XIRP2: variants seen among roughly 807,000 people sequenced by gnomAD.
XIRP2 encodes xin actin binding repeat containing 2.
XIRP2 carries 236 observed loss-of-function variants against 277.0 expected under a neutral mutation model. That is an observed-to-expected ratio of 0.85 (90% CI 0.77 to 0.95). The LOEUF (loss-of-function observed/expected upper bound fraction) is 0.95, where lower values mean the gene tolerates loss of function less well. Ranked by LOEUF, XIRP2 falls within the 40% of genes least tolerant of loss-of-function variation. The pLI is 0.00. For missense variants in XIRP2, 4,640 were observed against 4,157.5 expected (o/e 1.12, Z -3.19); for synonymous variants, 1,490 against 1,416.5 (o/e 1.05, Z -1.17).
In XIRP2 at chr2:167,093,397, C is replaced by T. The variant is rs534600350; in HGVS notation, c.409-42512C>T. On this transcript the variant is annotated intron_variant, in intron 2 of 10. Coordinates refer to ENST00000409195, the MANE Select transcript of XIRP2 (RefSeq NM_152381.6). ...GTTTATTACATAGGTATGTATGTGC[C>T]CTGGTGGTTTGCTGCACCCATCAAC... is the stretch of plus-strand genomic sequence containing the variant. 2.0e-5 allele frequency among the ~76,000 whole-genome samples: 3 copies of T among 151,744 alleles called. No homozygotes were observed. The East Asian group carries it at 5.8e-4, about 29-fold the overall frequency.
intron 2 of XIRP2, among the ~76,000 whole-genome samples, chr2:166,977,167 T>G (rs1686737316): frequency 6.6e-6 from 1 of 152,220 alleles, no homozygotes; most frequent in Non-Finnish European, 1.5e-5. Context: ...TTTTAAAAAG[T>G]TTGGCCATGA....
chr2:167,111,903 C>G (rs1690767490), intron 2 of XIRP2, among the ~76,000 whole-genome samples: 1 of 152,102 alleles, frequency 6.6e-6, no homozygotes, highest in South Asian at 2.1e-4. Context: ...TGTATATGTC[C>G]AGGAATTCAT....
rs1313327374 is a variant in XIRP2, at chr2:167,004,063, A to C, written c.408+100173A>C. 2.0e-5 allele frequency among the ~76,000 whole-genome samples: 3 copies of C among 151,886 alleles called. No individual in the cohort carries two copies. The East Asian group carries it at 5.8e-4, about 29-fold the overall frequency. On this transcript the variant is annotated intron_variant, in intron 2 of 10. Transcript: ENST00000409195. ...TAAAGTTGTTAAATTCCTCAATTTC[A>C]AAGATTATATAAGAAAGAGAAAGAA... is the stretch of plus-strand genomic sequence containing the variant.
chr2:166,947,468 G>A (rs1160873240), intron 2 of XIRP2, among the ~76,000 whole-genome samples: 1 of 152,098 alleles, frequency 6.6e-6, no homozygotes, highest in Non-Finnish European at 1.5e-5. Flanking sequence ...AAGCCTGAAA[G>A]CAGAATCTTA....
At chr2:167,030,178 GA>G (rs1269511192) in intron 2 of XIRP2, among the ~76,000 whole-genome samples, 1 of 151,966 alleles carries the variant, frequency 6.6e-6, no homozygotes, top group Non-Finnish European at 1.5e-5. Flanking sequence ...TGGATTCATT[GA>G]TTTTTTTGAA....
At chr2:166,910,392 A>G (rs1439978513) in intron 2 of XIRP2, among the ~76,000 whole-genome samples, 1 of 152,060 alleles carries the variant, frequency 6.6e-6, no homozygotes, top group African/African-American at 2.4e-5. Context: ...TTTCTAGTTT[A>G]TTTGCATAGA....
chr2:166,930,149 G>A (rs113609454), intron 2 of XIRP2, among the ~76,000 whole-genome samples: 3 of 152,254 alleles, frequency 2.0e-5, no homozygotes, highest in Non-Finnish European at 2.9e-5. Context: ...GGCAATATGA[G>A]TGAGATCTAG....
rs941086135 is a variant in XIRP2, at chr2:166,945,287, G to GT, written c.408+41405dup. On this transcript the variant is annotated intron_variant, in intron 2 of 10. Transcript: ENST00000409195. Reference sequence around the variant, plus strand: ...ACATGCAATGGATAGGTTTTGCTCTGTTTTTTTTATAGTGAATGTTAAAGC... The same window carrying GT: ...ACATGCAATGGATAGGTTTTGCTCTGTTTTTTTTTATAGTGAATGTTAAAGC... 2.4e-3 allele frequency among the ~76,000 whole-genome samples: 368 copies of GT among 151,898 alleles called. 3 individuals carry two copies. Among genetic ancestry groups the GT allele is most frequent in the African/African-American group, 2.3e-3 (97 of 41,442 alleles).
At chr2:167,014,920 C>T (rs1333887749) in intron 2 of XIRP2, among the ~76,000 whole-genome samples, 1 of 151,778 alleles carries the variant, frequency 6.6e-6, no homozygotes, top group Admixed American at 6.6e-5. Flanking sequence ...TTTAACACTA[C>T]GGTAATACAT....
chr2:167,219,109 T>C (rs968883384), intron 5 of XIRP2, among the ~76,000 whole-genome samples: 1 of 152,048 alleles, frequency 6.6e-6, no homozygotes, highest in South Asian at 2.1e-4. Flanking sequence ...ATGAAGCAAT[T>C]GCGTGCTATG....
Position 167,243,703 on chromosome 2 carries a change from C to G in XIRP2, c.2311C>G (p.Arg771Gly), listed in dbSNP as rs548985321. ...TGAAAAGGGAGATGTAAGAACAGCA[C>G]GGTGGATGTTTGAAACACAGCCGTT... Reference protein sequence around the residue: ...DVEKGDVRTARWMFETQPLDT... With the variant: ...DVEKGDVRTAGWMFETQPLDT... The change falls in exon 9 of 11, where the codon CGG becomes GGG. Residue 771 changes from arginine (R) to glycine (G), a missense_variant. Arg to Gly is a moderately radical substitution (Grantham distance 125, BLOSUM62 -2). Coordinates refer to ENST00000409195, the MANE Select transcript of XIRP2 (RefSeq NM_152381.6). 4 of 1,613,918 alleles carry G rather than the reference C, an allele frequency of 2.5e-6. No individual in the cohort carries two copies. The highest frequency in any genetic ancestry group is 3.4e-6 in the Non-Finnish European group (4 of 1,179,934).
chr2:167,030,476 G>C (rs910756585), intron 2 of XIRP2, among the ~76,000 whole-genome samples: 2 of 152,084 alleles, frequency 1.3e-5, no homozygotes, highest in Non-Finnish European at 2.9e-5. Flanking sequence ...TATGTACCCA[G>C]TAGTCATTCA....
intron 2 of XIRP2, among the ~76,000 whole-genome samples, chr2:167,012,868 A>C (rs377360850): frequency 6.6e-6 from 1 of 151,522 alleles, no homozygotes; most frequent in African/African-American, 2.4e-5. Flanking sequence ...CATAGACTCC[A>C]AAATAGCTAG....
At chr2:167,164,535 G>C (rs1692468017) in intron 3 of XIRP2, among the ~76,000 whole-genome samples, 1 of 145,496 alleles carries the variant, frequency 6.9e-6, no homozygotes, top group Admixed American at 6.8e-5. Flanking sequence ...GTAATATTAT[G>C]ATCAATTTGA....
chr2:167,224,287 G>A (rs567384460), intron 5 of XIRP2, among the ~76,000 whole-genome samples: 1 of 152,204 alleles, frequency 6.6e-6, no homozygotes, highest in Admixed American at 6.5e-5. Flanking sequence ...AGGTGGTAGT[G>A]CAGTGGTGTG....
chr2:166,933,484 A>T (rs2105371050), intron 2 of XIRP2, among the ~76,000 whole-genome samples: 1 of 152,154 alleles, frequency 6.6e-6, no homozygotes, highest in South Asian at 2.1e-4. Flanking sequence ...TTTACATCTC[A>T]AAATATTAAA....
intron 3 of XIRP2, among the ~76,000 whole-genome samples, chr2:167,189,013 T>C (rs766656440): frequency 2.0e-5 from 3 of 152,212 alleles, no homozygotes; most frequent in African/African-American, 4.8e-5. Flanking sequence ...AGCTTTAATT[T>C]GAGGTTAAAA....
chr2:167,164,339 G>A (rs1373666383), intron 3 of XIRP2, among the ~76,000 whole-genome samples: 2 of 151,552 alleles, frequency 1.3e-5, no homozygotes, highest in Admixed American at 6.6e-5. Context: ...CCAGCTACTC[G>A]GGAGGCTGAG....
At chr2:167,073,735 A>T (rs141938896) in intron 2 of XIRP2, among the ~76,000 whole-genome samples, 139 of 152,288 alleles carry the variant, frequency 9.1e-4, no homozygotes, top group African/African-American at 3.2e-3. Flanking sequence ...CACAAATATG[A>T]AATACTTTGA....
Sources: gnomAD v4.1 joint callset for allele counts (sites outside exome capture counted in the v4.1 genomes callset) on GRCh38, gnomAD v4.1.1 for gene constraint, MANE v1.5 for transcripts, NCBI Gene and HGNC (gene_info 2026-07-23, HGNC 2026-07-21) for gene names.